ZHX2: variants seen among roughly 807,000 people sequenced by gnomAD.
The protein encoded by ZHX2 is zinc fingers and homeoboxes 2.
ZHX2 carries 6 observed loss-of-function variants against 21.9 expected under a neutral mutation model. The ratio of observed to expected loss-of-function variants is 0.27; its 90% confidence interval spans 0.15 to 0.54. The LOEUF is 0.54. ZHX2 is among the 20% of genes least tolerant of loss of function. ZHX2 has a pLI of 0.95. For synonymous variants in ZHX2, 434 were observed against 437.1 expected, an observed-to-expected ratio of 0.99 and a Z score of 0.09; for missense variants, 908 against 1,090.7, an observed-to-expected ratio of 0.83 and a Z score of 2.36.
At chr8:122,915,163 C>T (rs1820570543) in intron 2 of ZHX2, among the ~76,000 whole-genome samples, 1 of 152,116 alleles carries the variant, frequency 6.6e-6, no homozygotes, top group Admixed American at 6.5e-5. Context: ...AGTGAAGACC[C>T]AGAGCAGGAA....
intron 2 of ZHX2, among the ~76,000 whole-genome samples, chr8:122,892,327 T>C (rs1820002120): frequency 1.3e-5 from 2 of 152,234 alleles, no homozygotes; most frequent in African/African-American, 4.8e-5. Flanking sequence ...ACAAAGTAAG[T>C]GAGTTTCTTA....
chr8:122,931,308 C>T (rs1393803875), intron 2 of ZHX2, among the ~76,000 whole-genome samples: 4 of 152,114 alleles, frequency 2.6e-5, no homozygotes, highest in African/African-American at 4.8e-5. Flanking sequence ...AGAGTTTGTG[C>T]GGTAGGCCTC....
intron 2 of ZHX2, among the ~76,000 whole-genome samples, chr8:122,925,637 T>C (rs1820831443): frequency 6.6e-6 from 1 of 151,934 alleles, no homozygotes; most frequent in Admixed American, 6.6e-5. Flanking sequence ...GATAGGAAGA[T>C]TTTGGAGAGA....
At chr8:122,906,329 G>A (rs1045035449) in intron 2 of ZHX2, among the ~76,000 whole-genome samples, 3 of 152,194 alleles carry the variant, frequency 2.0e-5, no homozygotes, top group African/African-American at 2.4e-5. Context: ...CATTTGGTAC[G>A]AATCTATGAG....
chr8:122,909,278 A>G (rs80018442), intron 2 of ZHX2, among the ~76,000 whole-genome samples: 2,007 of 152,112 alleles, frequency 0.013, 53 homozygotes, highest in Admixed American at 0.058. Context: ...CTAAAAATAC[A>G]AAAAATTAGC....
At chr8:122,861,920 C>T (rs1819176834) in intron 1 of ZHX2, among the ~76,000 whole-genome samples, 1 of 152,142 alleles carries the variant, frequency 6.6e-6, no homozygotes, top group Non-Finnish European at 1.5e-5. Context: ...CTCCTCCCGC[C>T]GGATGGTTAG....
At chr8:122,951,130 A>G (rs1288907717) in intron 2 of ZHX2, among the ~76,000 whole-genome samples, 162 bp from the exon 3 acceptor site, 1 of 152,148 alleles carries the variant, frequency 6.6e-6, no homozygotes, top group Non-Finnish European at 1.5e-5. Flanking sequence ...GAGAAGAAGA[A>G]TGTGATTTTT....
At chr8:122,896,299 T>G (rs1820099871) in intron 2 of ZHX2, among the ~76,000 whole-genome samples, 1 of 151,882 alleles carries the variant, frequency 6.6e-6, no homozygotes, top group African/African-American at 2.4e-5. Context: ...TTTTACTCCC[T>G]GCCCTCTTCT....
intron 1 of ZHX2, among the ~76,000 whole-genome samples, chr8:122,798,741 G>A (rs1817660397): frequency 6.6e-6 from 1 of 151,868 alleles, no homozygotes; most frequent in African/African-American, 2.4e-5. Flanking sequence ...GGAGGTTGCA[G>A]TGAGCTGAGA....
At chr8:122,794,701 C>T (rs1016429029) in intron 1 of ZHX2, among the ~76,000 whole-genome samples, 8 of 152,140 alleles carry the variant, frequency 5.3e-5, no homozygotes, top group African/African-American at 1.9e-4. Flanking sequence ...ACCCACCAGG[C>T]ATGTTTTGCT....
rs1420024334 is a variant in ZHX2 at position 122,902,540 on chromosome 8, A to C, written c.-220+39001A>C. On this transcript the variant is annotated intron_variant, in intron 2 of 3. Coordinates refer to ENST00000314393, the MANE Select transcript of ZHX2 (RefSeq NM_014943.5). ...CTGAGGACAATGACTGGCACATAGA[A>C]AGGGCTATCTTACAAAGTCCAGTGC... 2.0e-5 allele frequency among the ~76,000 whole-genome samples: 3 copies of C among 152,224 alleles called. No homozygotes were observed. The East Asian group carries it at 5.8e-4, about 29-fold the overall frequency.
intron 1 of ZHX2, among the ~76,000 whole-genome samples, chr8:122,811,122 G>A (rs939869306): frequency 1.3e-5 from 2 of 152,172 alleles, no homozygotes; most frequent in South Asian, 2.1e-4. Context: ...GCTTATACCT[G>A]TAATCCCGGC....
intron 1 of ZHX2, among the ~76,000 whole-genome samples, chr8:122,794,186 G>C (rs1057484779): frequency 6.6e-6 from 1 of 152,122 alleles, no homozygotes; most frequent in Non-Finnish European, 1.5e-5. Context: ...GAGAGTCTGG[G>C]TGTGTTGAAA....
At chr8:122,836,371 C>T (rs537890167) in intron 1 of ZHX2, among the ~76,000 whole-genome samples, 14 of 152,282 alleles carry the variant, frequency 9.2e-5, no homozygotes, top group South Asian at 4.1e-4. Context: ...TTCCTTTGTC[C>T]GGCTGCTGTG....
At chr8:122,945,015 G>C (rs575602608) in intron 2 of ZHX2, among the ~76,000 whole-genome samples, 1 of 152,264 alleles carries the variant, frequency 6.6e-6, no homozygotes, top group South Asian at 2.1e-4. Flanking sequence ...ACAGGAGGAA[G>C]ACGGTCATCT....
At chr8:122,955,603 A>G (rs1351840254) in intron 3 of ZHX2, among the ~76,000 whole-genome samples, 1 of 152,136 alleles carries the variant, frequency 6.6e-6, no homozygotes, top group Non-Finnish European at 1.5e-5. Context: ...CCAATCCCAG[A>G]ATGCCATCAT....
chr8:122,972,865 C>G (rs9692750), intron 3 of ZHX2, among the ~76,000 whole-genome samples: 1 of 152,072 alleles, frequency 6.6e-6, no homozygotes, highest in Non-Finnish European at 1.5e-5. Context: ...GACCCAAATC[C>G]AGATTTGTCT....
chr8:122,961,531 A>G (rs1813443617), intron 3 of ZHX2, among the ~76,000 whole-genome samples: 3 of 152,200 alleles, frequency 2.0e-5, no homozygotes, highest in Admixed American at 2.0e-4. Context: ...TAAAGGAAAG[A>G]GGTTTAATTG....
In ZHX2 at chr8:122,795,456, C is replaced by T. The variant is rs570429583; in HGVS notation, c.-283+13510C>T. On this transcript the variant is annotated intron_variant, in intron 1 of 3. Transcript: ENST00000314393. ...TGGGCCTGGCCTTATCCCTTGTTTCCTCTTGGGAGCACCATCTCCACCTTC... is the reference window on the plus strand; with the variant it reads ...TGGGCCTGGCCTTATCCCTTGTTTCTTCTTGGGAGCACCATCTCCACCTTC... Among the ~76,000 whole-genome samples the T allele has an allele frequency of 3.3e-5, 5 of 152,304 alleles. No homozygotes were observed. In the East Asian group the frequency reaches 9.6e-4, roughly 29 times the overall value.
Sources: gnomAD v4.1 joint callset for allele counts (sites outside exome capture counted in the v4.1 genomes callset) on GRCh38, gnomAD v4.1.1 for gene constraint, MANE v1.5 for transcripts, NCBI Gene and HGNC (gene_info 2026-07-23, HGNC 2026-07-21) for gene names.